The following C8B variants were observed in gnomAD, a reference collection of about 807,000 sequenced individuals.
The protein encoded by C8B is complement C8 beta chain.
In C8B, 67 loss-of-function variants were observed where a neutral mutation model predicts 64.6. The observed-to-expected ratio is 1.04, with a 90% CI of 0.85 to 1.27. C8B has a LOEUF of 1.27. Among genes scored for constraint, C8B ranks in the 50% most tolerant of loss-of-function variants. The probability of loss-of-function intolerance (pLI) is 0.00; values close to 1 mark genes in which losing one functional copy is unlikely to be tolerated. For synonymous variants in C8B, 284 were observed against 257.7 expected (o/e 1.10, Z -0.98); for missense variants, 790 against 725.2 (o/e 1.09, Z -1.03).
intron 9 of C8B, among the ~76,000 whole-genome samples, chr1:56,940,471 G>A (rs1644835470): frequency 6.6e-6 from 1 of 152,106 alleles, no homozygotes; most frequent in Non-Finnish European, 1.5e-5. Flanking sequence ...TTAGGAGGTT[G>A]AGGCAGGAGG....
At chr1:56,940,034 ATCT>A (rs1644828098) in intron 9 of C8B, among the ~76,000 whole-genome samples, 1 of 144,736 alleles carries the variant, frequency 6.9e-6, no homozygotes, top group Non-Finnish European at 1.5e-5. Context: ...GTGTGTGTGT[ATCT>A]TACTGTTCCT....
At chr1:56,954,578 A>T (rs2101444006) in intron 4 of C8B, 108 bp downstream of exon 4, 1 of 1,443,742 alleles carries the variant, frequency 6.9e-7, no homozygotes, top group Admixed American at 1.7e-5. Flanking sequence ...TTTTCTCAGA[A>T]AGGTGAGTGA....
Position 56,960,241 on chromosome 1 carries a change from C to T in C8B, c.93-65G>A, listed in dbSNP as rs1170046562. 69 of 1,412,716 alleles carry T rather than the reference C, an allele frequency of 4.9e-5. No homozygotes were observed. The Middle Eastern group carries it at 1.1e-3, about 22-fold the overall frequency. 87.5% of individuals were successfully genotyped at this position (1,412,716 alleles called of 1,614,324 possible). Reference sequence around the variant, plus strand: ...GGGAATTAAGTATACATCCAACCATCTATTTGTACATTCAATAAATATATA... The same window carrying T: ...GGGAATTAAGTATACATCCAACCATTTATTTGTACATTCAATAAATATATA... On this transcript the variant is annotated intron_variant, in intron 1 of 11. Coordinates refer to ENST00000371237, the MANE Select transcript of C8B (RefSeq NM_000066.4).
chr1:56,941,019 T>G lies in C8B; in HGVS notation c.1235-7A>C. 1 of 1,614,006 alleles carries G rather than the reference T, an allele frequency of 6.2e-7. No homozygotes were observed. ...GTGTCCCTCTTGTTTCTGTCTGGAA[T>G]GGACACAGAGCTAGCAGGTCACAGA... On this transcript the variant is annotated splice_polypyrimidine_tract_variant and splice_region_variant and intron_variant, in intron 8 of 11. Transcript: ENST00000371237.
chr1:56,962,720 C>G (rs1645195475), intron 1 of C8B, among the ~76,000 whole-genome samples: 1 of 152,226 alleles, frequency 6.6e-6, no homozygotes, highest in Non-Finnish European at 1.5e-5. Flanking sequence ...CTGCATTTTA[C>G]AGCAGCCTCG....
intron 9 of C8B, among the ~76,000 whole-genome samples, chr1:56,934,019 C>T (rs542578369): frequency 1.3e-3 from 202 of 152,296 alleles, no homozygotes; most frequent in Non-Finnish European, 2.5e-3. Flanking sequence ...CTATCAGGAA[C>T]CTTCCAGAGC....
intron 7 of C8B, among the ~76,000 whole-genome samples, chr1:56,945,606 G>T (rs554050112): frequency 2.6e-5 from 4 of 152,246 alleles, no homozygotes; most frequent in Non-Finnish European, 5.9e-5. Context: ...CCATGGGATT[G>T]GATACAATTG....
rs748828261 is a variant in C8B at position 56,940,977 on chromosome 1, C to T, written c.1270G>A (p.Val424Met). 2 of 1,614,124 alleles carry T rather than the reference C, an allele frequency of 1.2e-6. No homozygotes were observed. Among genetic ancestry groups the T allele is most frequent in the Non-Finnish European group, 1.7e-6 (2 of 1,180,012 alleles). ...CTTGCCCCTCCTCGTACCAGGACCA[C>T]CAAGTCCTCCACCATGGTGTCCCTC... Reference protein sequence around the residue: ...NKRDTMVEDLVVLVRGGASEH... With the variant: ...NKRDTMVEDLMVLVRGGASEH... The change falls in exon 9 of 12, where the codon GTG becomes ATG. Residue 424 changes from valine (V) to methionine (M), a missense_variant. By Grantham distance (21) the Val-to-Met change is conservative. Coordinates refer to ENST00000371237, the MANE Select transcript of C8B (RefSeq NM_000066.4).
At chr1:56,931,720 T>C in intron 11 of C8B, 90 bp downstream of exon 11, 1 of 840,916 alleles carries the variant, frequency 1.2e-6, no homozygotes, top group Non-Finnish European at 2.0e-6. Context: ...TTTCCTAGTA[T>C]CCAGCCCCAC....
chr1:56,942,328 C>T (rs1298260061), intron 8 of C8B, among the ~76,000 whole-genome samples: 2 of 152,202 alleles, frequency 1.3e-5, no homozygotes, highest in Admixed American at 6.5e-5. Context: ...TTTTGACTTA[C>T]GGAGTTGCCC....
At chr1:56,930,899 C>A (rs899270654) in intron 11 of C8B, among the ~76,000 whole-genome samples, 2 of 152,158 alleles carry the variant, frequency 1.3e-5, no homozygotes, top group Non-Finnish European at 2.9e-5. Context: ...AAAGTCAAGA[C>A]AACTCTATGA....
At chr1:56,960,318 T>A (rs1645160312) in intron 1 of C8B, 142 bp from the exon 2 acceptor site, 1 of 709,066 alleles carries the variant, frequency 1.4e-6, no homozygotes, top group African/African-American at 1.8e-5. Context: ...TAACCTATCC[T>A]GGAATTAATT....
At chr1:56,949,009 T>A (rs1262589078) in intron 6 of C8B, among the ~76,000 whole-genome samples, 22 of 54,938 alleles carry the variant, frequency 4.0e-4, no homozygotes, top group Non-Finnish European at 2.7e-4. Flanking sequence ...AAGTTAGCTA[T>A]TTTTTTTTTT....
chr1:56,933,791 A>G (rs1467279278), intron 9 of C8B, among the ~76,000 whole-genome samples: 4 of 152,228 alleles, frequency 2.6e-5, no homozygotes, highest in African/African-American at 9.6e-5. Flanking sequence ...AGACAGACAA[A>G]CATACCAACA....
intron 9 of C8B, among the ~76,000 whole-genome samples, chr1:56,934,588 G>A (rs17301146): frequency 0.12 from 18,810 of 152,122 alleles, 1,480 homozygotes; most frequent in Non-Finnish European, 0.18. Flanking sequence ...TTTAGGGTAC[G>A]TCTAAATGCA....
intron 3 of C8B, among the ~76,000 whole-genome samples, chr1:56,955,066 C>A (rs1019147141): frequency 1.3e-5 from 2 of 152,180 alleles, no homozygotes; most frequent in Non-Finnish European, 2.9e-5. Flanking sequence ...ACAGTTTGGA[C>A]TCTCTCTCCC....
chr1:56,953,330 T>A (rs1192374431), intron 4 of C8B, among the ~76,000 whole-genome samples: 1 of 152,226 alleles, frequency 6.6e-6, no homozygotes, highest in Non-Finnish European at 1.5e-5. Context: ...ATCAAAATAA[T>A]GTATACATAT....
intron 8 of C8B, 109 bp from the exon 9 acceptor site, chr1:56,941,121 G>T: frequency 2.4e-6 from 3 of 1,250,618 alleles, no homozygotes; most frequent in Non-Finnish European, 3.4e-6. Context: ...GAACTTGTCT[G>T]AGAGATGTGG....
intron 6 of C8B, among the ~76,000 whole-genome samples, 193 bp downstream of exon 6, chr1:56,949,362 C>T (rs1371823194): frequency 6.6e-6 from 1 of 152,120 alleles, no homozygotes; most frequent in Non-Finnish European, 1.5e-5. Context: ...GTGATGCCTT[C>T]TACCATGTTA....
Sources: gnomAD v4.1 joint callset for allele counts (sites outside exome capture counted in the v4.1 genomes callset) on GRCh38, gnomAD v4.1.1 for gene constraint, MANE v1.5 for transcripts, NCBI Gene and HGNC (gene_info 2026-07-23, HGNC 2026-07-21) for gene names.